Variants in CNTNAP4 observed in about 807,000 individuals in gnomAD.
CNTNAP4 encodes the protein contactin-associated protein-like 4.
A neutral mutation model predicts 148.4 loss-of-function variants in CNTNAP4; 98 were observed. The ratio of observed to expected loss-of-function variants is 0.66; its 90% CI spans 0.56 to 0.78. The LOEUF (loss-of-function observed/expected upper bound fraction) is 0.78. Ranked by LOEUF, CNTNAP4 falls within the 30% of genes least tolerant of loss-of-function variation. CNTNAP4 has a pLI of 0.00. For synonymous variants in CNTNAP4, 730 were observed against 565.1 expected, an observed-to-expected ratio of 1.29 and a Z score of -4.14; for missense variants, 1,935 against 1,565.6, an observed-to-expected ratio of 1.24 and a Z score of -3.98.
intron 21 of CNTNAP4, among the ~76,000 whole-genome samples, chr16:76,547,590 T>C (rs532220210): frequency 6.6e-6 from 1 of 152,348 alleles, no homozygotes; most frequent in East Asian, 1.9e-4. Flanking sequence ...ACATTTGCTT[T>C]TTATCTCCAA....
chr16:76,358,611 T>G (rs946074766), intron 3 of CNTNAP4, among the ~76,000 whole-genome samples: 1 of 152,172 alleles, frequency 6.6e-6, no homozygotes, highest in Non-Finnish European at 1.5e-5. Flanking sequence ...ATTGGGGATA[T>G]CCAGAGTTAT....
At chr16:76,361,492 C>CT (rs201532473) in intron 3 of CNTNAP4, among the ~76,000 whole-genome samples, 89 of 151,310 alleles carry the variant, frequency 5.9e-4, no homozygotes, top group African/African-American at 1.7e-3. Flanking sequence ...AATGTGCTTT[C>CT]TTTTTTTTTA....
At chr16:76,553,709 T>A (rs979142811) in intron 22 of CNTNAP4, 127 bp from the exon 23 acceptor site, 1 of 672,236 alleles carries the variant, frequency 1.5e-6, no homozygotes, top group South Asian at 2.0e-5. Context: ...TTGCTTAAAT[T>A]GAAAATAACA....
At chr16:76,313,940 A>C (rs1472188342) in intron 1 of CNTNAP4, among the ~76,000 whole-genome samples, 1 of 152,212 alleles carries the variant, frequency 6.6e-6, no homozygotes, top group Non-Finnish European at 1.5e-5. Flanking sequence ...GAACAACTTA[A>C]GAGTATAAAA....
chr16:76,396,208 G>A (rs982247626), intron 3 of CNTNAP4, among the ~76,000 whole-genome samples: 1 of 152,238 alleles, frequency 6.6e-6, no homozygotes, highest in South Asian at 2.1e-4. Flanking sequence ...AAAGTCAAGG[G>A]GATGACTTCA....
chr16:76,342,363 G>T (rs142939264), intron 2 of CNTNAP4, among the ~76,000 whole-genome samples: 3 of 151,828 alleles, frequency 2.0e-5, no homozygotes, highest in Non-Finnish European at 4.4e-5. Context: ...GGAAAAACTG[G>T]CATCATTAAA....
At chr16:76,448,740 G>T (rs771579008) in intron 5 of CNTNAP4, 27 bp from the exon 6 acceptor site, 24 of 1,530,046 alleles carry the variant, frequency 1.6e-5, no homozygotes, top group East Asian at 2.4e-5. Flanking sequence ...GGCAATAATG[G>T]TGCTGTTATT....
At chr16:76,466,129 T>G (rs2081169334) in intron 9 of CNTNAP4, among the ~76,000 whole-genome samples, 1 of 152,176 alleles carries the variant, frequency 6.6e-6, no homozygotes, top group Non-Finnish European at 1.5e-5. Flanking sequence ...CTCCGTTCCG[T>G]GGGTTCAATT....
At chr16:76,413,923 A>G (rs35002972) in intron 3 of CNTNAP4, among the ~76,000 whole-genome samples, 52,760 of 150,922 alleles carry the variant, frequency 0.35, 10,854 homozygotes, top group Non-Finnish European at 0.44. Flanking sequence ...TTATATATAG[A>G]CTTTTATCTA....
intron 15 of CNTNAP4, among the ~76,000 whole-genome samples, chr16:76,511,208 C>T (rs1021927513): frequency 1.3e-5 from 2 of 152,078 alleles, no homozygotes; most frequent in Non-Finnish European, 2.9e-5. Context: ...TCAGGTAATT[C>T]ATTACATTGA....
intron 3 of CNTNAP4, among the ~76,000 whole-genome samples, chr16:76,360,309 A>G (rs1156772240): frequency 1.3e-5 from 2 of 152,124 alleles, no homozygotes; most frequent in African/African-American, 4.8e-5. Flanking sequence ...TGAGGTGTCA[A>G]CTCTGTAAGC....
At chr16:76,343,383 G>GT (rs1016015946) in intron 2 of CNTNAP4, among the ~76,000 whole-genome samples, 25 of 152,264 alleles carry the variant, frequency 1.6e-4, no homozygotes, top group African/African-American at 3.6e-4. Flanking sequence ...AAAATGATAT[G>GT]TTTTTTCCCT....
chr16:76,395,617 T>G (rs2078175443), intron 3 of CNTNAP4, among the ~76,000 whole-genome samples: 1 of 152,160 alleles, frequency 6.6e-6, no homozygotes, highest in Admixed American at 6.5e-5. Flanking sequence ...AAATAATATT[T>G]TATAAGTATC....
intron 10 of CNTNAP4, among the ~76,000 whole-genome samples, chr16:76,472,931 C>G (rs1189598544): frequency 1.3e-5 from 2 of 152,004 alleles, no homozygotes; most frequent in African/African-American, 4.8e-5. Context: ...AACAAACCTG[C>G]TCATAAGTTA....
intron 21 of CNTNAP4, among the ~76,000 whole-genome samples, chr16:76,550,847 T>C (rs1315153800): frequency 6.6e-6 from 1 of 152,120 alleles, no homozygotes; most frequent in Non-Finnish European, 1.5e-5. Context: ...TTGGCAGTCA[T>C]CTTTATGTTT....
chr16:76,289,061 C>G (rs1290968551), intron 1 of CNTNAP4, among the ~76,000 whole-genome samples: 1 of 143,496 alleles, frequency 7.0e-6, no homozygotes, highest in Non-Finnish European at 1.5e-5. Context: ...TCCTTTCCCT[C>G]TCACCTTTTA....
At position 76,310,541 on chromosome 16, in the gene CNTNAP4, G is replaced by C. The variant is rs1272133074; in HGVS notation, c.86-5872G>C. On this transcript the variant is annotated intron_variant, in intron 1 of 23. Coordinates refer to ENST00000611870, the MANE Select transcript of CNTNAP4 (RefSeq NM_033401.5). ...AATAGGTCTAAATAAACTATTTTCT[G>C]ATGGGAACGAGACTCCAATCTTTCC... Among the ~76,000 whole-genome samples the C allele has an allele frequency of 2.6e-5, 4 of 152,258 alleles. No homozygotes were observed. In the East Asian group the frequency reaches 7.7e-4, roughly 29 times the overall value.
intron 15 of CNTNAP4, 150 bp downstream of exon 15, chr16:76,498,844 C>A: frequency 1.4e-6 from 1 of 696,820 alleles, no homozygotes; most frequent in Non-Finnish European, 2.2e-6. Context: ...ACATGAGGTG[C>A]CTTTAGTAGT....
chr16:76,334,195 AT>A (rs1963816111), intron 2 of CNTNAP4, among the ~76,000 whole-genome samples: 2 of 151,690 alleles, frequency 1.3e-5, no homozygotes, highest in Non-Finnish European at 2.9e-5. Context: ...AATAATAATA[AT>A]AATAATAAAC....
Sources: gnomAD v4.1 joint callset for allele counts (sites outside exome capture counted in the v4.1 genomes callset) on GRCh38, gnomAD v4.1.1 for gene constraint, MANE v1.5 for transcripts, NCBI Gene and HGNC (gene_info 2026-07-23, HGNC 2026-07-21) for gene names.